NWD1: variants seen among roughly 807,000 people sequenced by gnomAD.
NWD1 encodes the protein NACHT and WD repeat domain containing 1.
A neutral mutation model predicts 135.1 loss-of-function variants in NWD1; 129 were observed. The ratio of observed to expected loss-of-function variants is 0.96; its 90% CI spans 0.83 to 1.11. The LOEUF is 1.11. NWD1 is among the 50% of genes least tolerant of loss of function. NWD1 has a pLI of 0.00. For missense variants in NWD1, 1,740 were observed against 1,851.3 expected, an observed-to-expected ratio of 0.94 and a Z score of 1.10; for synonymous variants, 773 against 786.0, an observed-to-expected ratio of 0.98 and a Z score of 0.28.
intron 17 of NWD1, among the ~76,000 whole-genome samples, chr19:16,805,204 G>A (rs1970714618): frequency 6.6e-6 from 1 of 151,858 alleles, no homozygotes; most frequent in Non-Finnish European, 1.5e-5. Context: ...GATTACAGGT[G>A]TGCAGCACAA....
chr19:16,738,010 G>GAAAAGA (rs751600150), intron 4 of NWD1, among the ~76,000 whole-genome samples: 1 of 151,618 alleles, frequency 6.6e-6, no homozygotes, highest in Non-Finnish European at 1.5e-5. Context: ...GAAAAGAAAA[G>GAAAAGA]AAATTCTAGA....
At chr19:16,738,637 G>T (rs1472776131) in intron 4 of NWD1, among the ~76,000 whole-genome samples, 1 of 145,836 alleles carries the variant, frequency 6.9e-6, no homozygotes, top group Non-Finnish European at 1.5e-5. Flanking sequence ...TATTTTCTGA[G>T]ACCTAAAGTG....
chr19:16,792,780 G>A (rs910134932), intron 14 of NWD1, among the ~76,000 whole-genome samples: 1 of 151,736 alleles, frequency 6.6e-6, no homozygotes, highest in African/African-American at 2.4e-5. Context: ...GGGAGGCTGA[G>A]GCAGGAGAAT....
chr19:16,807,375 C>T (rs1461687264), intron 17 of NWD1, among the ~76,000 whole-genome samples: 1 of 152,044 alleles, frequency 6.6e-6, no homozygotes, highest in Non-Finnish European at 1.5e-5. Context: ...CACTTGTAAT[C>T]CCAGCTACTC....
chr19:16,743,680 G>GTTTGTTTA (rs369618174), intron 4 of NWD1, among the ~76,000 whole-genome samples: 18,668 of 151,474 alleles, frequency 0.12, 2,680 homozygotes, highest in African/African-American at 0.35. Context: ...TTATTAGTTT[G>GTTTGTTTA]TTTATTTATT....
chr19:16,800,048 C>T lies in NWD1; in HGVS notation c.3622C>T (p.Pro1208Ser). ...DLSDAHRSRVPAPFLDRTGLT... is the reference protein window; with the variant it reads ...DLSDAHRSRVSAPFLDRTGLT... Reference sequence around the variant, plus strand: ...CAGCGATGCTCATAGGTCCCGGGTGCCTGCACCATTTCTGGACCGCACCGG... The same window carrying T: ...CAGCGATGCTCATAGGTCCCGGGTGTCTGCACCATTTCTGGACCGCACCGG... The change falls in exon 17 of 19, where the codon CCT becomes TCT. Residue 1208 changes from proline (P) to serine (S), a missense_variant. Coordinates refer to ENST00000524140, the MANE Select transcript of NWD1 (RefSeq NM_001007525.5). 2 of 1,614,182 alleles carry T rather than the reference C, an allele frequency of 1.2e-6. No individual in the cohort carries two copies. The highest frequency in any genetic ancestry group is 1.7e-6 in the Non-Finnish European group (2 of 1,180,020).
At chr19:16,806,510 T>C (rs1402308128) in intron 17 of NWD1, among the ~76,000 whole-genome samples, 1 of 151,480 alleles carries the variant, frequency 6.6e-6, no homozygotes, top group African/African-American at 2.4e-5. Context: ...GTTTGAGCCC[T>C]GGAGTTCAAG....
chr19:16,776,124 A>G (rs924018965), intron 11 of NWD1, among the ~76,000 whole-genome samples: 1 of 152,224 alleles, frequency 6.6e-6, no homozygotes, highest in African/African-American at 2.4e-5. Context: ...GCACAGGCAT[A>G]GGAAGTTACA....
At chr19:16,768,795 G>A (rs77254566) in intron 10 of NWD1, among the ~76,000 whole-genome samples, 4,400 of 152,284 alleles carry the variant, frequency 0.029, 173 homozygotes, top group African/African-American at 0.096. Context: ...TGTATCCAAA[G>A]TGCTTCCCCA....
intron 5 of NWD1, chr19:16,745,197 T>C (rs769923569): frequency 7.6e-6 from 3 of 393,050 alleles, no homozygotes. Flanking sequence ...TATAAAACCA[T>C]CAGATCTTGT....
At chr19:16,728,567 G>A (rs1967419875) in intron 2 of NWD1, among the ~76,000 whole-genome samples, 1 of 151,884 alleles carries the variant, frequency 6.6e-6, no homozygotes, top group Non-Finnish European at 1.5e-5. Flanking sequence ...TTACAGGCGT[G>A]AGCCACCATG....
At chr19:16,790,643 A>AAT (rs1555730373) in intron 13 of NWD1, among the ~76,000 whole-genome samples, 7 of 19,124 alleles carry the variant, frequency 3.7e-4, no homozygotes, top group African/African-American at 1.4e-3. Context: ...AAAAAAAAAT[A>AAT]AATAAATAAA....
In NWD1 at chr19:16,755,687, C is replaced by CTTATTTAT. The variant is rs60291508; in HGVS notation, c.1770-3514_1770-3507dup. ...ACAGGAATGAGCCACCACATCCAGC[C>CTTATTTAT]TTATTTATTTATTTATTTATTTATT... On this transcript the variant is annotated intron_variant, in intron 6 of 18. Transcript: ENST00000524140. 3.0e-3 allele frequency among the ~76,000 whole-genome samples: 437 copies of CTTATTTAT among 148,112 alleles called. 2 individuals carry two copies. Among genetic ancestry groups the CTTATTTAT allele is most frequent in the Middle Eastern group, 6.9e-3 (2 of 290 alleles).
In NWD1 at chr19:16,759,003, C is replaced by CAA. The variant is rs58283462; in HGVS notation, c.1770-195_1770-194dup. Reference sequence around the variant, plus strand: ...TGGGCGACAGAGTGAAACTCTGTCTCAAAAAAAAAAAAAAAAAAAAAAAAA... The same window carrying CAA: ...TGGGCGACAGAGTGAAACTCTGTCTCAAAAAAAAAAAAAAAAAAAAAAAAAAA... On this transcript the variant is annotated intron_variant, in intron 6 of 18. Transcript: ENST00000524140. 4.3e-3 allele frequency among the ~76,000 whole-genome samples: 319 copies of CAA among 74,922 alleles called. 3 individuals carry two copies. The highest frequency in any genetic ancestry group is 0.017 in the South Asian group (32 of 1,856). The allele number at this position is 74,922 out of a possible 152,430, so 49.2% of individuals were successfully genotyped here.
At chr19:16,731,133 T>A in intron 2 of NWD1, 59 bp from the exon 3 acceptor site, 1 of 836,542 alleles carries the variant, frequency 1.2e-6, no homozygotes, top group Non-Finnish European at 1.9e-6. Context: ...AGCAGAGCTA[T>A]GAGGCTGGGA....
At position 16,739,329 on chromosome 19, in the gene NWD1, CAAAAAAAAAA is replaced by C. The variant is rs67106916; in HGVS notation, c.198+2596_198+2605del. ...TAACATAGTGAGACCCTATCTCTAC[CAAAAAAAAAA>C]AAAAAAAAAAAAAAAATTATTTTTT... On this transcript the variant is annotated intron_variant, in intron 4 of 18. Transcript: ENST00000524140. Among the ~76,000 whole-genome samples, 20 of 78,972 alleles carry C rather than the reference CAAAAAAAAAA, an allele frequency of 2.5e-4. 1 individual carries two copies. Among genetic ancestry groups the C allele is most frequent in the African/African-American group, 4.2e-4 (9 of 21,466 alleles). 51.8% of individuals were successfully genotyped at this position (78,972 alleles called of 152,430 possible).
intron 5 of NWD1, among the ~76,000 whole-genome samples, chr19:16,745,848 T>A (rs1226609509): frequency 1.3e-5 from 2 of 151,976 alleles, no homozygotes; most frequent in Non-Finnish European, 1.5e-5. Flanking sequence ...GCCCGGGAGT[T>A]GGAGGCTGCA....
chr19:16,759,753 G>C (rs1260632312), intron 7 of NWD1, among the ~76,000 whole-genome samples: 2 of 152,092 alleles, frequency 1.3e-5, no homozygotes, highest in African/African-American at 4.8e-5. Context: ...TTAGCACTTT[G>C]GGAGGCTGAG....
chr19:16,807,782 G>C lies in NWD1; in HGVS notation c.3933G>C (p.Glu1311Asp). 6.2e-7 allele frequency: 1 copy of C among 1,613,854 alleles called. No individual in the cohort carries two copies. Among genetic ancestry groups the C allele is most frequent in the Non-Finnish European group, 8.5e-7 (1 of 1,179,774 alleles). Residue 1311 changes from glutamate to aspartate, a missense_variant, in exon 18 of 19, where the codon GAG becomes GAC. Physicochemically the swap from Glu to Asp is conservative, Grantham distance 45 (BLOSUM62 2). Transcript: ENST00000524140. ...ACTGCATGTCCCTGAGCAAGTGCGAGGACCGCCTGGCCATCGCCTATGACA... is the reference window on the plus strand; with the variant it reads ...ACTGCATGTCCCTGAGCAAGTGCGACGACCGCCTGGCCATCGCCTATGACA... Reference protein sequence around the residue: ...AINCMSLSKCEDRLAIAYDNI... With the variant: ...AINCMSLSKCDDRLAIAYDNI...
Sources: gnomAD v4.1 joint callset for allele counts (sites outside exome capture counted in the v4.1 genomes callset) on GRCh38, gnomAD v4.1.1 for gene constraint, MANE v1.5 for transcripts, NCBI Gene and HGNC (gene_info 2026-07-23, HGNC 2026-07-21) for gene names.